RC3H1: variants seen among roughly 807,000 people sequenced by gnomAD.
The protein encoded by RC3H1 is roquin-1.
A neutral mutation model predicts 138.2 loss-of-function variants in RC3H1; 50 were observed. The ratio of observed to expected loss-of-function variants is 0.36; its 90% CI spans 0.29 to 0.46. The LOEUF (loss-of-function observed/expected upper bound fraction) is 0.46. Ranked by LOEUF, RC3H1 falls within the 20% of genes least tolerant of loss-of-function variation. RC3H1 has a pLI of 1.00. For missense variants in RC3H1, 1,031 were observed against 1,388.1 expected (o/e 0.74, Z 4.09); for synonymous variants, 462 against 489.1 (o/e 0.94, Z 0.73).
chr1:174,007,984 C>A (rs893338172), intron 1 of RC3H1, among the ~76,000 whole-genome samples: 1 of 152,160 alleles, frequency 6.6e-6, no homozygotes, highest in African/African-American at 2.4e-5. Flanking sequence ...CTCCTCTTTA[C>A]TCAAGAAAAC....
chr1:174,005,711 T>C (rs545024121), intron 1 of RC3H1, among the ~76,000 whole-genome samples: 3 of 152,308 alleles, frequency 2.0e-5, no homozygotes, highest in Admixed American at 6.5e-5. Context: ...TGAACCCCTC[T>C]TGACTTAAAA....
rs569977801 is a variant in RC3H1, at chr1:174,021,707, AC to A, written c.-151+388del. On this transcript the variant is annotated intron_variant, in intron 1 of 19. Transcript: ENST00000367696. ...TTTACAGACGCCTTCGCCCTCCCCCACCCCCACAGACTAGGGGTCCAAAAAG... is the reference window on the plus strand; with the variant it reads ...TTTACAGACGCCTTCGCCCTCCCCCACCCCACAGACTAGGGGTCCAAAAAG... Among the ~76,000 whole-genome samples, 174 of 151,830 alleles carry A rather than the reference AC, an allele frequency of 1.1e-3. 1 individual carries two copies. Among genetic ancestry groups the A allele is most frequent in the African/African-American group, 4.1e-3 (170 of 41,432 alleles).
chr1:173,996,020 G>A (rs906789177), intron 1 of RC3H1, among the ~76,000 whole-genome samples: 26 of 152,142 alleles, frequency 1.7e-4, no homozygotes, highest in Non-Finnish European at 2.9e-4. Context: ...TTGGGAGGTC[G>A]AGTTGGGCAA....
At position 173,933,131 on chromosome 1, in the gene RC3H1, T is replaced by C. The variant is rs1315179784; in HGVS notation, c.*5590A>G. The C allele has an allele frequency of 6.6e-6, 1 of 152,068 alleles. No homozygotes were observed. Among genetic ancestry groups the C allele is most frequent in the Admixed American group, 6.5e-5 (1 of 15,272 alleles). The allele number at this position is 152,068 out of a possible 1,614,324, so 9.4% of individuals were successfully genotyped here. A position where few individuals can be genotyped will look rare whatever the true frequency, so the allele number is the denominator to read the frequency against. ...TAAATACACATTTTTGGACACGATA[T>C]TATGTTGAGGTTTAAGTTCTTCCCC... is the stretch of plus-strand genomic sequence containing the variant. On this transcript the variant is annotated 3_prime_UTR_variant, in exon 20 of 20. Coordinates refer to ENST00000367696, the MANE Select transcript of RC3H1 (RefSeq NM_172071.4).
rs1224839069 is a variant in RC3H1 at position 173,933,343 on chromosome 1, G to A, written c.*5378C>T. The A allele has an allele frequency of 6.6e-6, 1 of 151,938 alleles. No homozygotes were observed. The highest frequency in any genetic ancestry group is 2.4e-5 in the African/African-American group (1 of 41,380). The allele number at this position is 151,938 out of a possible 1,614,324, so 9.4% of individuals were successfully genotyped here. A position where few individuals can be genotyped will look rare whatever the true frequency, so the allele number is the denominator to read the frequency against. On this transcript the variant is annotated 3_prime_UTR_variant, in exon 20 of 20. Transcript: ENST00000367696. ...GGGCTCTTTACCCACTTTGTTCAGTGCAGTATTGAAAACATACCTATTAGG... is the reference window on the plus strand; with the variant it reads ...GGGCTCTTTACCCACTTTGTTCAGTACAGTATTGAAAACATACCTATTAGG...
intron 9 of RC3H1, among the ~76,000 whole-genome samples, chr1:173,969,888 A>G (rs1050811505): frequency 3.3e-5 from 5 of 152,100 alleles, no homozygotes; most frequent in Admixed American, 6.5e-5. Flanking sequence ...AATTAGTTAA[A>G]TTAAGTTAAA....
rs751783757 is a variant in RC3H1 at position 173,982,770 on chromosome 1, A to G, written c.725T>C (p.Ile242Thr). ...ATAAAGGAGCTGAACAACATGCCCA[A>G]TGCTAGTTTTAGAGGCTTGAGGAAA... The part of the protein sequence containing the change: ...PRFPQASKTS[I>T]GHVVQLLYRA... Residue 242 changes from isoleucine (I) to threonine (T), a missense_variant, in exon 5 of 20, where the codon ATT (isoleucine) becomes ACT (threonine). By Grantham distance (89) the Ile-to-Thr change is moderately conservative. Coordinates refer to ENST00000367696, the MANE Select transcript of RC3H1 (RefSeq NM_172071.4). 2.5e-6 allele frequency: 4 copies of G among 1,613,648 alleles called. No homozygotes were observed. In the Admixed American group the frequency reaches 5.0e-5, roughly 20 times the overall value.
intron 17 of RC3H1, among the ~76,000 whole-genome samples, chr1:173,944,750 C>T (rs977213966): frequency 1.3e-5 from 2 of 152,098 alleles, no homozygotes; most frequent in African/African-American, 2.4e-5. Flanking sequence ...TAAGCAATGG[C>T]GAAAGCAGAC....
At chr1:173,972,430 G>GTA in intron 8 of RC3H1, 79 bp downstream of exon 8, 1 of 910,400 alleles carries the variant, frequency 1.1e-6, no homozygotes, top group Non-Finnish European at 1.8e-6. Context: ...GTATCTGTAG[G>GTA]TATACCCACA....
At chr1:173,961,296 A>G in intron 12 of RC3H1, 52 bp from the exon 13 acceptor site, 1 of 1,493,894 alleles carries the variant, frequency 6.7e-7, no homozygotes, top group Non-Finnish European at 9.2e-7. Context: ...GGACAGATTA[A>G]TTCATTTAAT....
At chr1:173,956,667 T>TAA (rs75866304) in intron 13 of RC3H1, among the ~76,000 whole-genome samples, 4,420 of 84,810 alleles carry the variant, frequency 0.052, 79 homozygotes, top group Middle Eastern at 0.13. Context: ...CTCAAAAAAT[T>TAA]AAAAAAAAAA....
At chr1:173,988,639 A>G (rs12566642) in intron 2 of RC3H1, among the ~76,000 whole-genome samples, 14,171 of 152,270 alleles carry the variant, frequency 0.093, 881 homozygotes, top group East Asian at 0.22. Context: ...ACTGTCTTCC[A>G]AAGTAGCTAT....
chr1:173,978,018 G>T (rs1459626617), intron 7 of RC3H1, among the ~76,000 whole-genome samples: 2 of 152,076 alleles, frequency 1.3e-5, no homozygotes, highest in African/African-American at 4.8e-5. Flanking sequence ...TGAAGGTTGG[G>T]TATATTTTCA....
intron 1 of RC3H1, among the ~76,000 whole-genome samples, chr1:174,010,899 G>T (rs1661738393): frequency 6.6e-6 from 1 of 152,182 alleles, no homozygotes; most frequent in Non-Finnish European, 1.5e-5. Context: ...CTCATGAGGG[G>T]AAGAAGGTAC....
Position 174,022,347 on chromosome 1 carries a change from C to T in RC3H1, c.-402G>A, listed in dbSNP as rs933264035. The T allele has an allele frequency of 1.1e-5, 4 of 378,614 alleles. No homozygotes were observed. The highest frequency in any genetic ancestry group is 1.9e-5 in the Non-Finnish European group (4 of 213,578). The allele number at this position is 378,614 out of a possible 1,614,324, so 23.5% of individuals were successfully genotyped here. On this transcript the variant is annotated 5_prime_UTR_variant, in exon 1 of 20. Coordinates refer to ENST00000367696, the MANE Select transcript of RC3H1 (RefSeq NM_172071.4). This position sits in a 1 kb window ranked among gnomAD's most constrained non-coding sequence, Gnocchi z 4.2. ...TCCTCCTCGTCCTCCGCCGCCCAGT[C>T]GCTCGTTGTCCTCGTCCCCTTCCTC...
intron 1 of RC3H1, chr1:174,016,331 T>C (rs1661861874): frequency 6.6e-6 from 1 of 151,970 alleles, no homozygotes; most frequent in Non-Finnish European, 1.5e-5. Context: ...AGTTGACATT[T>C]TCCTGAAAAA....
chr1:173,933,178 G>A lies in RC3H1; in HGVS notation c.*5543C>T, dbSNP rs901815595. ...CCCCCTTATTGTGCCTTATTTTCTTGTGAAAATAAAGTTCGTTCTCTAGGG... is the reference window on the plus strand; with the variant it reads ...CCCCCTTATTGTGCCTTATTTTCTTATGAAAATAAAGTTCGTTCTCTAGGG... On this transcript the variant is annotated 3_prime_UTR_variant, in exon 20 of 20. Transcript: ENST00000367696. 1 of 152,000 alleles carries A rather than the reference G, an allele frequency of 6.6e-6. No individual in the cohort carries two copies. Among genetic ancestry groups the A allele is most frequent in the African/African-American group, 2.4e-5 (1 of 41,386 alleles). The allele number at this position is 152,000 out of a possible 1,614,324, so 9.4% of individuals were successfully genotyped here.
At chr1:174,010,674 A>AAAGTGCTGGTATT (rs75092751) in intron 1 of RC3H1, among the ~76,000 whole-genome samples, 43,873 of 151,906 alleles carry the variant, frequency 0.29, 11,337 homozygotes, top group African/African-American at 0.7. Flanking sequence ...TCGGCCTCCC[A>AAAGTGCTGGTATT]GTGAGCCATC....
At position 173,938,746 on chromosome 1, in the gene RC3H1, C is replaced by T; in HGVS notation, c.3377G>A (p.Gly1126Glu). 6.2e-7 allele frequency: 1 copy of T among 1,612,328 alleles called. No homozygotes were observed. Among genetic ancestry groups the T allele is most frequent in the Non-Finnish European group, 8.5e-7 (1 of 1,179,062 alleles). ...GGDNNDSQRS[G>E]VTPSSAP The stretch of plus-strand genomic sequence containing the variant: ...TTAAGGAGCAGAACTGGGAGTAACT[C>T]CTGATCTCTGGGAGTCATTATTATC... Residue 1126 changes from glycine to glutamate, a missense_variant, in exon 20 of 20, where the codon GGA becomes GAA. Physicochemically the swap from Gly to Glu is moderately conservative, Grantham distance 98. Coordinates refer to ENST00000367696, the MANE Select transcript of RC3H1 (RefSeq NM_172071.4).
Sources: gnomAD v4.1 joint callset for allele counts (sites outside exome capture counted in the v4.1 genomes callset) on GRCh38, gnomAD v4.1.1 for gene constraint, Gnocchi (gnomAD v3.1) non-coding constraint, MANE v1.5 for transcripts, NCBI Gene and HGNC (gene_info 2026-07-23, HGNC 2026-07-21) for gene names.